The following LIMD1 variants were observed in gnomAD, a reference collection of about 807,000 sequenced individuals.
The protein encoded by LIMD1 is LIM domain containing 1.
Under a neutral mutation model 58.4 loss-of-function variants are expected in LIMD1, and 23 were observed. That is an observed-to-expected ratio of 0.39 (90% CI 0.28 to 0.56). The LOEUF (loss-of-function observed/expected upper bound fraction) is 0.56. Ranked by LOEUF, LIMD1 falls within the 20% of genes least tolerant of loss-of-function variation. The pLI is 0.57. For synonymous variants in LIMD1, 334 were observed against 345.5 expected (o/e 0.97, Z 0.37); for missense variants, 838 against 855.5 (o/e 0.98, Z 0.25).
intron 1 of LIMD1, among the ~76,000 whole-genome samples, chr3:45,613,215 T>C (rs1701543433): frequency 1.3e-5 from 2 of 152,212 alleles, no homozygotes; most frequent in South Asian, 4.1e-4. Context: ...GGTTCGATGT[T>C]AATGAATCAA....
At chr3:45,597,236 T>C (rs1701366728) in intron 1 of LIMD1, among the ~76,000 whole-genome samples, 1 of 152,110 alleles carries the variant, frequency 6.6e-6, no homozygotes, top group African/African-American at 2.4e-5. Flanking sequence ...ATGGAAATTC[T>C]TGGGCCCCAC....
chr3:45,609,876 C>T (rs564771253), intron 1 of LIMD1, among the ~76,000 whole-genome samples: 175 of 152,276 alleles, frequency 1.1e-3, no homozygotes, highest in African/African-American at 4.1e-3. Context: ...CACTGCCTGG[C>T]ACACAGCAGG....
Position 45,677,133 on chromosome 3 carries a change from G to C in LIMD1, c.*74G>C. 1 of 1,541,692 alleles carries C rather than the reference G, an allele frequency of 6.5e-7. No individual in the cohort carries two copies. Among genetic ancestry groups the C allele is most frequent in the Non-Finnish European group, 8.8e-7 (1 of 1,130,922 alleles). On this transcript the variant is annotated 3_prime_UTR_variant, in exon 8 of 8. Coordinates refer to ENST00000273317, the MANE Select transcript of LIMD1 (RefSeq NM_014240.3). ...CTGCTGCTGCTTCCGGTGGCCCCTG[G>C]GGTGGAAGTGGGGTAGGGGAAGAGG...
chr3:45,606,886 G>C (rs12630863), intron 1 of LIMD1, among the ~76,000 whole-genome samples: 86,150 of 152,048 alleles, frequency 0.57, 24,854 homozygotes, highest in Non-Finnish European at 0.63. Context: ...CCTTGCTTCC[G>C]AGTTTCAAGC....
chr3:45,672,988 C>T (rs1189184375), intron 5 of LIMD1, among the ~76,000 whole-genome samples, 168 bp downstream of exon 5: 4 of 150,996 alleles, frequency 2.6e-5, no homozygotes, highest in African/African-American at 7.3e-5. Context: ...GGAGGTTGGT[C>T]GATGCCAGTG....
At chr3:45,597,140 G>T (rs936345345) in intron 1 of LIMD1, among the ~76,000 whole-genome samples, 13 of 152,168 alleles carry the variant, frequency 8.5e-5, no homozygotes, top group Admixed American at 7.2e-4. Flanking sequence ...GATTACAGGC[G>T]TGAGCCACCG....
intron 1 of LIMD1, among the ~76,000 whole-genome samples, chr3:45,626,435 C>T (rs949621260): frequency 6.6e-6 from 1 of 152,132 alleles, no homozygotes; most frequent in African/African-American, 2.4e-5. Context: ...CATGAAAAGA[C>T]ATGGAGAAAC....
At chr3:45,656,279 C>T (rs1702026344) in intron 2 of LIMD1, among the ~76,000 whole-genome samples, 1 of 152,176 alleles carries the variant, frequency 6.6e-6, no homozygotes, top group Non-Finnish European at 1.5e-5. Context: ...ATGACTAAGA[C>T]ATTCCCCTTA....
At chr3:45,624,478 T>C (rs1168342093) in intron 1 of LIMD1, among the ~76,000 whole-genome samples, 1 of 151,938 alleles carries the variant, frequency 6.6e-6, no homozygotes, top group Non-Finnish European at 1.5e-5. Context: ...GAGGCCGAGG[T>C]GGGCGGATCA....
Position 45,667,813 on chromosome 3 carries a change from T to C in LIMD1, c.1579-481T>C, listed in dbSNP as rs555097757. 4.9e-4 allele frequency among the ~76,000 whole-genome samples: 75 copies of C among 152,222 alleles called. 1 individual carries two copies. The highest frequency in any genetic ancestry group is 2.6e-3 in the Admixed American group (40 of 15,290). On this transcript the variant is annotated intron_variant, in intron 3 of 7. Transcript: ENST00000273317. ...TATTTGAGGATTCTGGGTAATAATG[T>C]AGACCTTGCAGAATTGTTGTAAGCA...
intron 1 of LIMD1, among the ~76,000 whole-genome samples, chr3:45,601,728 C>A (rs937555348): frequency 6.6e-6 from 1 of 152,176 alleles, no homozygotes; most frequent in Non-Finnish European, 1.5e-5. Flanking sequence ...GTGACTTGCT[C>A]AAGACCATAT....
At chr3:45,600,085 T>G (rs1701396883) in intron 1 of LIMD1, among the ~76,000 whole-genome samples, 1 of 152,182 alleles carries the variant, frequency 6.6e-6, no homozygotes, top group Non-Finnish European at 1.5e-5. Flanking sequence ...ACATCTGGTA[T>G]TACTTGAAAG....
rs576777078 is a variant in LIMD1, at chr3:45,679,510, G to A, written c.*2451G>A. 31 of 152,324 alleles carry A rather than the reference G, an allele frequency of 2.0e-4. No individual in the cohort carries two copies. Among genetic ancestry groups the A allele is most frequent in the African/African-American group, 7.2e-4 (30 of 41,570 alleles). 9.4% of individuals were successfully genotyped at this position (152,324 alleles called of 1,614,324 possible). On this transcript the variant is annotated 3_prime_UTR_variant, in exon 8 of 8. Transcript: ENST00000273317. ...TGGGCGCCTAGAAAGAAAACACAAGGACTTGGTAGGCCAGGAAGAAAAGAT... is the reference window on the plus strand; with the variant it reads ...TGGGCGCCTAGAAAGAAAACACAAGAACTTGGTAGGCCAGGAAGAAAAGAT...
At position 45,678,167 on chromosome 3, in the gene LIMD1, C is replaced by G. The variant is rs1291397636; in HGVS notation, c.*1108C>G. ...GAAGAAACCAGGATAAGGTACACTG[C>G]TTTTGTCTGTTTAATTTTTTTAGTT... On this transcript the variant is annotated 3_prime_UTR_variant, in exon 8 of 8. Transcript: ENST00000273317. 6.6e-6 allele frequency: 1 copy of G among 152,614 alleles called. No individual in the cohort carries two copies. Among genetic ancestry groups the G allele is most frequent in the African/African-American group, 2.4e-5 (1 of 41,434 alleles). The allele number at this position is 152,614 out of a possible 1,614,324, so 9.5% of individuals were successfully genotyped here.
At position 45,665,654 on chromosome 3, in the gene LIMD1, G is replaced by A. The variant is rs1337154235; in HGVS notation, c.1515G>A (p.Arg505=). 11 of 1,613,788 alleles carry A rather than the reference G, an allele frequency of 6.8e-6. No homozygotes were observed. The highest frequency in any genetic ancestry group is 1.7e-5 in the Admixed American group (1 of 59,978). Residue 505 remains arginine (R), a synonymous_variant, in exon 3 of 8, where the codon CGG becomes CGA. Coordinates refer to ENST00000273317, the MANE Select transcript of LIMD1 (RefSeq NM_014240.3). ...DTCFTCAACS[R]KLRGKAFYFV... is the part of the protein sequence containing the mutation. ...TGTTTGTGATTTTTTCCTTAGGCCG[G>A]AAGCTGAGAGGAAAAGCCTTTTATT...
intron 2 of LIMD1, among the ~76,000 whole-genome samples, chr3:45,653,881 G>C (rs1701997658): frequency 1.6e-5 from 2 of 122,096 alleles, no homozygotes; most frequent in Admixed American, 2.2e-4. Context: ...CTGCACTCCA[G>C]CCTGAGTGAC....
intron 2 of LIMD1, among the ~76,000 whole-genome samples, chr3:45,646,691 CTT>C (rs565278104): frequency 1.3e-4 from 17 of 135,420 alleles, no homozygotes; most frequent in Admixed American, 1.5e-4. Flanking sequence ...GTTCCTAAAT[CTT>C]TTTTTTTTTT....
chr3:45,600,355 T>C (rs1274529856), intron 1 of LIMD1, among the ~76,000 whole-genome samples: 2 of 152,174 alleles, frequency 1.3e-5, no homozygotes, highest in Non-Finnish European at 2.9e-5. Flanking sequence ...GTTGCCACCT[T>C]TGTAAGCCCT....
At chr3:45,621,850 G>C (rs892994151) in intron 1 of LIMD1, among the ~76,000 whole-genome samples, 3 of 151,988 alleles carry the variant, frequency 2.0e-5, no homozygotes, top group African/African-American at 7.3e-5. Flanking sequence ...GGATCAAAAA[G>C]TCAGGAGATC....
Sources: allele counts gnomAD v4.1 joint callset (sites outside exome capture counted in the v4.1 genomes callset), GRCh38; gene constraint gnomAD v4.1.1; transcripts MANE v1.5; gene names NCBI Gene and HGNC (gene_info 2026-07-23, HGNC 2026-07-21).